The following GALNTL6 variants were observed in gnomAD, a reference collection of about 807,000 sequenced individuals.
GALNTL6 encodes the protein polypeptide N-acetylgalactosaminyltransferase-like 6.
GALNTL6 carries 46 observed loss-of-function variants against 73.7 expected under a neutral mutation model. The observed-to-expected ratio is 0.62, with a 90% CI of 0.49 to 0.80. GALNTL6 has a LOEUF of 0.80. Ranked by LOEUF, GALNTL6 falls within the 30% of genes least tolerant of loss-of-function variation. The pLI, the probability that GALNTL6 is intolerant of heterozygous loss-of-function variation, is 0.00. For missense variants in GALNTL6, 604 were observed against 755.0 expected (o/e 0.80, Z 2.34); for synonymous variants, 259 against 263.7 (o/e 0.98, Z 0.17).
chr4:172,027,965 G>GA (rs970987208), intron 2 of GALNTL6, among the ~76,000 whole-genome samples: 1 of 152,096 alleles, frequency 6.6e-6, no homozygotes, highest in Non-Finnish European at 1.5e-5. Flanking sequence ...CTCCCTAACA[G>GA]AAAAGTGCAA....
chr4:172,101,572 A>T (rs2110961152), intron 2 of GALNTL6, among the ~76,000 whole-genome samples: 1 of 152,282 alleles, frequency 6.6e-6, no homozygotes, highest in African/African-American at 2.4e-5. Context: ...TGCCATTCAA[A>T]CTTAATAAAA....
chr4:172,678,812 G>A (rs1459529478), intron 5 of GALNTL6, among the ~76,000 whole-genome samples: 7 of 152,136 alleles, frequency 4.6e-5, no homozygotes, highest in Non-Finnish European at 7.3e-5. Context: ...TAGCTCTAGC[G>A]ATGTTGAAAA....
At chr4:172,494,235 T>C (rs2110755877) in intron 5 of GALNTL6, among the ~76,000 whole-genome samples, 1 of 152,326 alleles carries the variant, frequency 6.6e-6, no homozygotes, top group South Asian at 2.1e-4. Context: ...AGATACGTAA[T>C]ATTACGATTC....
intron 2 of GALNTL6, among the ~76,000 whole-genome samples, chr4:172,144,812 T>A (rs766247588): frequency 2.6e-5 from 4 of 152,226 alleles, no homozygotes; most frequent in Non-Finnish European, 4.4e-5. Context: ...TGCAAATGCA[T>A]ACATGCTTAT....
At chr4:172,970,802 T>C (rs1016083365) in intron 10 of GALNTL6, among the ~76,000 whole-genome samples, 1 of 152,196 alleles carries the variant, frequency 6.6e-6, no homozygotes, top group Non-Finnish European at 1.5e-5. Context: ...AGAGTATTAT[T>C]TGGGAACTAA....
At chr4:172,787,338 G>C (rs78817770) in intron 5 of GALNTL6, among the ~76,000 whole-genome samples, 1 of 152,060 alleles carries the variant, frequency 6.6e-6, no homozygotes, top group South Asian at 2.1e-4. Context: ...GATAGATCAG[G>C]GTTTCTTAAT....
At chr4:172,052,498 T>C in intron 2 of GALNTL6, 1 of 1,535,166 alleles carries the variant, frequency 6.5e-7, no homozygotes, top group Non-Finnish European at 8.7e-7. Context: ...CAAGCATTAG[T>C]GCAGACCACG....
At chr4:172,330,873 T>C (rs1741101016) in intron 4 of GALNTL6, among the ~76,000 whole-genome samples, 1 of 152,146 alleles carries the variant, frequency 6.6e-6, no homozygotes, top group Non-Finnish European at 1.5e-5. Context: ...TCAGACTGTT[T>C]CTTTTTTGTT....
At chr4:172,517,324 A>G (rs1264153865) in intron 5 of GALNTL6, among the ~76,000 whole-genome samples, 2 of 152,004 alleles carry the variant, frequency 1.3e-5, no homozygotes, top group Non-Finnish European at 2.9e-5. Flanking sequence ...TTCAAACTGG[A>G]TACATCACAA....
chr4:172,458,783 G>A (rs896035231), intron 5 of GALNTL6, among the ~76,000 whole-genome samples: 33 of 152,090 alleles, frequency 2.2e-4, no homozygotes, highest in Admixed American at 2.0e-3. Flanking sequence ...TCTACCAGAG[G>A]TGCAAAGAGG....
chr4:171,865,653 C>T (rs1467357689), intron 2 of GALNTL6, among the ~76,000 whole-genome samples: 1 of 152,108 alleles, frequency 6.6e-6, no homozygotes, highest in Non-Finnish European at 1.5e-5. Context: ...GTTTTCAACA[C>T]ATAAATATGG....
At chr4:172,348,414 G>A in intron 4 of GALNTL6, 109 bp from the exon 5 acceptor site, 2 of 837,626 alleles carry the variant, frequency 2.4e-6, no homozygotes, top group Non-Finnish European at 3.8e-6. Context: ...GAAAGTATTA[G>A]ACTAAGTCGT....
At chr4:172,223,130 T>A (rs747866732) in intron 2 of GALNTL6, among the ~76,000 whole-genome samples, 3 of 152,046 alleles carry the variant, frequency 2.0e-5, no homozygotes, top group Non-Finnish European at 2.9e-5. Flanking sequence ...CTGTTTCAGA[T>A]AATATGTTTA....
intron 5 of GALNTL6, among the ~76,000 whole-genome samples, chr4:172,376,036 C>T (rs1045350112): frequency 1.3e-5 from 2 of 152,172 alleles, no homozygotes; most frequent in African/African-American, 2.4e-5. Flanking sequence ...TCAGGAATAG[C>T]TTTTGTTAGG....
chr4:172,132,998 G>T (rs1001126759), intron 2 of GALNTL6, among the ~76,000 whole-genome samples: 1 of 152,138 alleles, frequency 6.6e-6, no homozygotes, highest in East Asian at 1.9e-4. Context: ...GTGTGTGCAT[G>T]ATAGAAACTA....
chr4:172,815,918 T>C (rs1390526495), intron 7 of GALNTL6, among the ~76,000 whole-genome samples: 2 of 152,196 alleles, frequency 1.3e-5, no homozygotes. Flanking sequence ...TTATAAACCG[T>C]GTTTGCCTTC....
At chr4:172,274,080 G>T (rs140786242) in intron 3 of GALNTL6, among the ~76,000 whole-genome samples, 29 of 152,140 alleles carry the variant, frequency 1.9e-4, no homozygotes, top group Non-Finnish European at 3.7e-4. Flanking sequence ...GTAGAAAATC[G>T]TTTCATTATA....
At chr4:172,818,172 G>GA (rs1741717161) in intron 7 of GALNTL6, among the ~76,000 whole-genome samples, 1 of 152,192 alleles carries the variant, frequency 6.6e-6, no homozygotes, top group Admixed American at 6.5e-5. Context: ...AGGGCAGCAT[G>GA]AAATAGTCCA....
intron 5 of GALNTL6, among the ~76,000 whole-genome samples, chr4:172,444,426 C>T (rs1731946532): frequency 6.6e-6 from 1 of 152,118 alleles, no homozygotes; most frequent in Non-Finnish European, 1.5e-5. Context: ...CCCCCAACAT[C>T]CTGTCTAGAA....
Sources: gnomAD v4.1 joint callset for allele counts (sites outside exome capture counted in the v4.1 genomes callset) on GRCh38, gnomAD v4.1.1 for gene constraint, MANE v1.5 for transcripts, NCBI Gene and HGNC (gene_info 2026-07-23, HGNC 2026-07-21) for gene names.